AGBL1: variants seen among roughly 807,000 people sequenced by gnomAD.
AGBL1 encodes the protein cytosolic carboxypeptidase 4.
In AGBL1, 130 loss-of-function variants were observed where a neutral mutation model predicts 118.9. The observed-to-expected ratio is 1.09, with a 90% CI of 0.95 to 1.26. The LOEUF (loss-of-function observed/expected upper bound fraction) is 1.26. Among genes scored for constraint, AGBL1 ranks in the 50% most tolerant of loss-of-function variants. The pLI, the probability that AGBL1 is intolerant of heterozygous loss-of-function variation, is 0.00. For missense variants in AGBL1, 1,584 were observed against 1,298.1 expected (o/e 1.22, Z -3.38); for synonymous variants, 555 against 478.9 (o/e 1.16, Z -2.08).
At chr15:86,645,080 CAT>C (rs978311531) in intron 21 of AGBL1, among the ~76,000 whole-genome samples, 1 of 151,802 alleles carries the variant, frequency 6.6e-6, no homozygotes, top group Non-Finnish European at 1.5e-5. Context: ...GATGAACAAA[CAT>C]ATGATTTAAT....
chr15:86,368,734 A>G (rs2080927913), intron 17 of AGBL1, among the ~76,000 whole-genome samples: 1 of 152,222 alleles, frequency 6.6e-6, no homozygotes, highest in South Asian at 2.1e-4. Flanking sequence ...TTTATCTGAT[A>G]GAACTTCCAG....
intron 17 of AGBL1, among the ~76,000 whole-genome samples, chr15:86,377,153 G>C (rs1267073383): frequency 6.6e-6 from 1 of 152,206 alleles, no homozygotes; most frequent in Non-Finnish European, 1.5e-5. Flanking sequence ...TCAGATACTT[G>C]ATTTTATCCA....
chr15:86,470,433 A>G (rs1203772338), intron 18 of AGBL1, among the ~76,000 whole-genome samples: 3 of 151,990 alleles, frequency 2.0e-5, no homozygotes, highest in Non-Finnish European at 4.4e-5. Context: ...CTGTATGTCT[A>G]TTTTTATGCT....
chr15:86,709,569 C>A (rs922451051), intron 22 of AGBL1, among the ~76,000 whole-genome samples: 4 of 152,206 alleles, frequency 2.6e-5, no homozygotes, highest in Non-Finnish European at 2.9e-5. Flanking sequence ...CAACAAATGA[C>A]AATTTATGAA....
rs569720726 is a variant in AGBL1, at chr15:86,949,357, C to A, written c.3222-38630C>A. ...AGATCCCAGAAAGAAGAAACTGTAGCGAGGTATGCCCATGTCCTGTAACTG... is the reference window on the plus strand; with the variant it reads ...AGATCCCAGAAAGAAGAAACTGTAGAGAGGTATGCCCATGTCCTGTAACTG... On this transcript the variant is annotated intron_variant, in intron 23 of 24. Coordinates refer to the AGBL1 transcript ENST00000441037. Among the ~76,000 whole-genome samples the A allele has an allele frequency of 2.0e-5, 3 of 152,104 alleles. No homozygotes were observed. In the East Asian group the frequency reaches 5.8e-4, roughly 29 times the overall value.
At chr15:86,358,246 A>C (rs1280538546) in intron 17 of AGBL1, among the ~76,000 whole-genome samples, 1 of 151,988 alleles carries the variant, frequency 6.6e-6, no homozygotes, top group Non-Finnish European at 1.5e-5. Context: ...TGAGTTAGAA[A>C]TTTTTACAGT....
At chr15:86,185,934 A>G (rs1307876015) in intron 5 of AGBL1, among the ~76,000 whole-genome samples, 1 of 152,194 alleles carries the variant, frequency 6.6e-6, no homozygotes, top group Non-Finnish European at 1.5e-5. Context: ...GTTTCTTAAA[A>G]AGGGGATTCT....
intron 24 of AGBL1, among the ~76,000 whole-genome samples, chr15:87,013,391 C>T (rs186057491): frequency 1.3e-5 from 2 of 152,252 alleles, no homozygotes; most frequent in African/African-American, 2.4e-5. Flanking sequence ...GCTGTGTGCT[C>T]ACTGGGGTCC....
chr15:86,829,527 C>A (rs1042037636), intron 22 of AGBL1, among the ~76,000 whole-genome samples: 1 of 151,998 alleles, frequency 6.6e-6, no homozygotes, highest in Admixed American at 6.6e-5. Flanking sequence ...AATATCAGGC[C>A]TTCTATGGAA....
At chr15:87,000,731 G>T in intron 24 of AGBL1, among the ~76,000 whole-genome samples, 1 of 119,194 alleles carries the variant, frequency 8.4e-6, no homozygotes, top group African/African-American at 3.3e-5. Flanking sequence ...GGTTCCATAT[G>T]AACTTTAAAG....
intron 17 of AGBL1, among the ~76,000 whole-genome samples, chr15:86,320,212 T>G (rs181272110): frequency 3.1e-4 from 47 of 152,324 alleles, no homozygotes; most frequent in Non-Finnish European, 5.6e-4. Context: ...AAAAGGACAT[T>G]CCTATGATAT....
At chr15:86,329,196 C>T (rs1011550913) in intron 17 of AGBL1, among the ~76,000 whole-genome samples, 5 of 152,094 alleles carry the variant, frequency 3.3e-5, no homozygotes, top group South Asian at 2.1e-4. Context: ...CCCCTGAGTT[C>T]GTGGTCCAGC....
Position 86,102,782 on chromosome 15 carries a change from A to G in AGBL1, c.51+22759A>G, listed in dbSNP as rs1116251. On this transcript the variant is annotated intron_variant, in intron 1 of 22. Coordinates refer to ENST00000614907, the MANE Select transcript of AGBL1 (RefSeq NM_001386094.1). ...TGTGGAGAAGATGTTTTTGAATTGT[A>G]TCTATTTGGGGATCTCTAAGCTTTC... is the stretch of plus-strand genomic sequence containing the variant. 1.0e-2 allele frequency among the ~76,000 whole-genome samples: 1,516 copies of G among 152,216 alleles called. 8 individuals are homozygous for G. Among genetic ancestry groups the G allele is most frequent in the Non-Finnish European group, 0.016 (1,059 of 67,994 alleles).
chr15:86,750,568 T>G (rs1417762088), intron 22 of AGBL1, among the ~76,000 whole-genome samples: 4 of 152,120 alleles, frequency 2.6e-5, no homozygotes, highest in African/African-American at 7.2e-5. Context: ...ATTTTCCTTC[T>G]AGTGTAACTG....
At chr15:86,173,893 T>A (rs2077447787) in intron 5 of AGBL1, among the ~76,000 whole-genome samples, 4 of 152,152 alleles carry the variant, frequency 2.6e-5, no homozygotes, top group African/African-American at 7.2e-5. Flanking sequence ...TCCAGCTTTG[T>A]TCATTTTGCT....
At chr15:86,565,888 C>G (rs1234826305) in intron 21 of AGBL1, among the ~76,000 whole-genome samples, 1 of 152,246 alleles carries the variant, frequency 6.6e-6, no homozygotes, top group African/African-American at 2.4e-5. Context: ...GACTGCTGTG[C>G]TAGCAATGAG....
At chr15:86,832,253 A>G (rs560797515) in intron 22 of AGBL1, among the ~76,000 whole-genome samples, 99 of 152,274 alleles carry the variant, frequency 6.5e-4, no homozygotes, top group African/African-American at 2.1e-3. Flanking sequence ...GGTGATTAAC[A>G]TTTGGCTCTT....
intron 18 of AGBL1, among the ~76,000 whole-genome samples, chr15:86,514,135 A>AC (rs75703224): frequency 2.0e-5 from 3 of 149,184 alleles, no homozygotes; most frequent in African/African-American, 5.0e-5. Flanking sequence ...TACACACACA[A>AC]ACACACACAC....
chr15:86,710,962 A>G (rs769357567), intron 22 of AGBL1, among the ~76,000 whole-genome samples: 4 of 152,190 alleles, frequency 2.6e-5, no homozygotes, highest in Non-Finnish European at 5.9e-5. Context: ...AACAAATCCA[A>G]TGGTTTTAAA....
Sources: gnomAD v4.1 joint callset for allele counts (sites outside exome capture counted in the v4.1 genomes callset) on GRCh38, gnomAD v4.1.1 for gene constraint, MANE v1.5 for transcripts, NCBI Gene and HGNC (gene_info 2026-07-23, HGNC 2026-07-21) for gene names.